USP54: variants seen among roughly 807,000 people sequenced by gnomAD.
USP54 encodes the protein ubiquitin carboxyl-terminal hydrolase 54.
Under a neutral mutation model 170.5 loss-of-function variants are expected in USP54, and 87 were observed. That is an observed-to-expected ratio of 0.51 (90% CI 0.43 to 0.61). USP54 has a LOEUF of 0.61. Ranked by LOEUF, USP54 falls within the 20% of genes least tolerant of loss-of-function variation. The pLI, the probability that USP54 is intolerant of heterozygous loss-of-function variation, is 0.00. For synonymous variants in USP54, 655 were observed against 742.8 expected, an observed-to-expected ratio of 0.88 and a Z score of 1.92; for missense variants, 1,786 against 2,047.8, an observed-to-expected ratio of 0.87 and a Z score of 2.47.
rs1161785849 is a variant in USP54 at position 73,599,929 on chromosome 10, T to C, written c.-17-24254A>G. On this transcript the variant is annotated intron_variant, in intron 1 of 22. Coordinates refer to the USP54 transcript ENST00000339859. ...TTTTTTTTTTTTTTTGAGATAGAGT[T>C]TCGCTCTTTTTGCCCAGGCTGGAGT... Among the ~76,000 whole-genome samples the C allele has an allele frequency of 2.7e-5, 4 of 149,000 alleles. No homozygotes were observed. In the East Asian group the frequency reaches 8.0e-4, roughly 30 times the overall value.
chr10:73,552,769 C>T (rs549025893), intron 4 of USP54, among the ~76,000 whole-genome samples: 18 of 152,106 alleles, frequency 1.2e-4, no homozygotes, highest in African/African-American at 3.6e-4. Flanking sequence ...CCAGCCTGGA[C>T]GACAGAGTGA....
chr10:73,504,892 A>G lies in USP54; in HGVS notation c.4269T>C (p.Val1423=). 6.2e-7 allele frequency: 1 copy of G among 1,614,134 alleles called. No individual in the cohort carries two copies. The highest frequency in any genetic ancestry group is 8.5e-7 in the Non-Finnish European group (1 of 1,180,016). The change falls in exon 22 of 24, where the codon GTT becomes GTC. Residue 1423 remains valine (V), a synonymous_variant. Coordinates refer to ENST00000687698, the MANE Select transcript of USP54 (RefSeq NM_001391956.1). Reference sequence around the variant, plus strand: ...CCGGAGCTTCCTCCCTCTCTGAGACAACGGTGCCACTGAGACTGCGTGAGA... The same window carrying G: ...CCGGAGCTTCCTCCCTCTCTGAGACGACGGTGCCACTGAGACTGCGTGAGA... ...RRISRSLSGT[V]VSEREEAPVS...
intron 1 of USP54, among the ~76,000 whole-genome samples, chr10:73,624,826 T>C (rs1564975866): frequency 6.6e-6 from 1 of 152,274 alleles, no homozygotes; most frequent in East Asian, 1.9e-4. Context: ...CATTGAGACA[T>C]TCAAAACATG....
At chr10:73,514,767 C>T (rs1287937240) in intron 20 of USP54, among the ~76,000 whole-genome samples, 3 of 151,864 alleles carry the variant, frequency 2.0e-5, no homozygotes, top group African/African-American at 4.8e-5. Flanking sequence ...AGGACAGGCA[C>T]GGTGGCTCAC....
intron 19 of USP54, 27 bp from the exon 20 acceptor site, chr10:73,517,774 T>C (rs1436464414): frequency 1.2e-5 from 19 of 1,580,564 alleles, no homozygotes; most frequent in Non-Finnish European, 1.5e-5. Context: ...GAGCTAGTCA[T>C]AAGCTGCCTT....
chr10:73,620,633 T>C (rs1181899689), intron 1 of USP54, among the ~76,000 whole-genome samples: 1 of 149,270 alleles, frequency 6.7e-6, no homozygotes, highest in East Asian at 2.0e-4. Context: ...AAAGAAGCCA[T>C]TTACAAAGAT....
In USP54 at chr10:73,516,863, G is replaced by T. The variant is rs777847336; in HGVS notation, c.3563C>A (p.Ser1188Tyr). Residue 1188 changes from serine to tyrosine, a missense_variant, in exon 20 of 24, where the codon TCC becomes TAC. Ser to Tyr is a moderately radical substitution (Grantham distance 144). Coordinates refer to ENST00000687698, the MANE Select transcript of USP54 (RefSeq NM_001391956.1). ...KGHWPWAKQQ[S>Y]SLEGGDRPLS... ...TGGTCTATCCCCACCCTCCAGAGAG[G>T]ATTGTTGCTTTGCCCATGGCCAGTG... is the stretch of plus-strand genomic sequence containing the variant. The T allele has an allele frequency of 3.7e-6, 6 of 1,614,154 alleles. No individual in the cohort carries two copies. Among genetic ancestry groups the T allele is most frequent in the Non-Finnish European group, 5.1e-6 (6 of 1,180,064 alleles).
At chr10:73,582,719 G>A (rs1466199281) in intron 1 of USP54, among the ~76,000 whole-genome samples, 1 of 152,152 alleles carries the variant, frequency 6.6e-6, no homozygotes, top group Non-Finnish European at 1.5e-5. Context: ...GACTCTTTAA[G>A]CTAATTGACT....
At chr10:73,584,853 G>A (rs2077299333) in intron 1 of USP54, among the ~76,000 whole-genome samples, 1 of 152,080 alleles carries the variant, frequency 6.6e-6, no homozygotes, top group Non-Finnish European at 1.5e-5. Flanking sequence ...AGAGGGCCTG[G>A]TGTGGATCTC....
chr10:73,518,357 C>CT lies in USP54; in HGVS notation c.2679-611dup, dbSNP rs1285880260. 6.2e-6 allele frequency: 3 copies of CT among 482,316 alleles called. No homozygotes were observed. The African/African-American group carries it at 6.3e-5, about 10-fold the overall frequency. 29.9% of individuals were successfully genotyped at this position (482,316 alleles called of 1,614,324 possible). ...GAGATGTTTCCCCAAAGCAATATGA[C>CT]TCTCTTGAGATTTAGGAGTAGGAGT... On this transcript the variant is annotated intron_variant, in intron 19 of 23. Coordinates refer to ENST00000687698, the MANE Select transcript of USP54 (RefSeq NM_001391956.1).
At chr10:73,578,275 T>C (rs77239481) in intron 1 of USP54, among the ~76,000 whole-genome samples, 5,369 of 152,318 alleles carry the variant, frequency 0.035, 154 homozygotes, top group South Asian at 0.12. Context: ...CAAAAACATT[T>C]CACTTAAATT....
At chr10:73,545,202 G>A (rs950792581) in intron 5 of USP54, among the ~76,000 whole-genome samples, 2 of 152,026 alleles carry the variant, frequency 1.3e-5, no homozygotes, top group African/African-American at 4.8e-5. Context: ...CATCACTTAG[G>A]AACCTGTTAG....
Position 73,530,235 on chromosome 10 carries a change from T to G in USP54, c.1736A>C (p.Lys579Thr). ...ACTGTCAATATTCAGAGATTCTCGT[T>G]TGGGTCTCCATGTGGGACGATACTT... ...SSKYRPTWRPKRESLNIDSIF... is the reference protein window; with the variant it reads ...SSKYRPTWRPTRESLNIDSIF... The change falls in exon 14 of 24, where the codon AAA (lysine) becomes ACA (threonine). Residue 579 changes from lysine to threonine, a missense_variant. Physicochemically the swap from Lys to Thr is moderately conservative, Grantham distance 78. Around this residue, in one of 3 missense-constraint regions of USP54, gnomAD observed 1,418 missense variants for 1,569.0 expected, o/e 0.90. Transcript: ENST00000687698. 6.2e-7 allele frequency: 1 copy of G among 1,614,204 alleles called. No homozygotes were observed. Among genetic ancestry groups the G allele is most frequent in the Non-Finnish European group, 8.5e-7 (1 of 1,180,036 alleles).
chr10:73,599,465 T>C (rs1054425506), intron 1 of USP54, among the ~76,000 whole-genome samples: 3 of 152,212 alleles, frequency 2.0e-5, no homozygotes, highest in Non-Finnish European at 4.4e-5. Context: ...CAATTTTACA[T>C]GTCTATGGTT....
At chr10:73,519,015 T>C (rs1311946117) in intron 19 of USP54, 1 of 152,180 alleles carries the variant, frequency 6.6e-6, no homozygotes, top group Non-Finnish European at 1.5e-5. Context: ...TGAGCTACCA[T>C]GCCTAGCAGT....
intron 1 of USP54, among the ~76,000 whole-genome samples, chr10:73,578,405 T>G (rs1271417597): frequency 4.0e-5 from 6 of 151,852 alleles, no homozygotes; most frequent in East Asian, 1.9e-4. Flanking sequence ...TTTTGGGTTT[T>G]GTTTTGTTTT....
chr10:73,584,869 C>T (rs1267463554), intron 1 of USP54, among the ~76,000 whole-genome samples: 1 of 135,428 alleles, frequency 7.4e-6, no homozygotes, highest in Admixed American at 7.1e-5. Flanking sequence ...ATCTCTATTT[C>T]CTTTCATTCT....
intron 15 of USP54, 105 bp from the exon 16 acceptor site, chr10:73,526,885 T>G: frequency 7.6e-7 from 1 of 1,308,040 alleles, no homozygotes. Context: ...ACTACACAAT[T>G]AGAGCTTCTG....
intron 1 of USP54, among the ~76,000 whole-genome samples, chr10:73,622,272 T>C (rs1481051153): frequency 6.6e-6 from 1 of 152,002 alleles, no homozygotes; most frequent in Non-Finnish European, 1.5e-5. Flanking sequence ...ATGTTATCTA[T>C]TATTATTATT....
Sources: gnomAD v4.1 joint callset for allele counts (sites outside exome capture counted in the v4.1 genomes callset) on GRCh38, gnomAD v4.1.1 for gene constraint, gnomAD v4.1.1 regional missense constraint, MANE v1.5 for transcripts, NCBI Gene and HGNC (gene_info 2026-07-23, HGNC 2026-07-21) for gene names.